The following ATXN2 variants were observed in gnomAD, a reference collection of about 807,000 sequenced individuals.
ATXN2 encodes ataxin-2.
A neutral mutation model predicts 138.6 loss-of-function variants in ATXN2; 37 were observed. That is an observed-to-expected ratio of 0.27 (90% confidence interval 0.21 to 0.35). The LOEUF (loss-of-function observed/expected upper bound fraction) is 0.35, where lower values mean the gene tolerates loss of function less well. Among genes scored for constraint, ATXN2 ranks in the 10% least tolerant of loss-of-function variants. The pLI, the probability that ATXN2 is intolerant of heterozygous loss-of-function variation, is 1.00. For synonymous variants in ATXN2, 549 were observed against 543.7 expected, an observed-to-expected ratio of 1.01 and a Z score of -0.13; for missense variants, 1,216 against 1,480.3, an observed-to-expected ratio of 0.82 and a Z score of 2.93.
At chr12:111,570,742 T>G (rs1883271964) in intron 1 of ATXN2, among the ~76,000 whole-genome samples, 1 of 152,182 alleles carries the variant, frequency 6.6e-6, no homozygotes, top group South Asian at 2.1e-4. Context: ...GTGCTACCAA[T>G]TTAAACTATC....
At chr12:111,599,377 G>A (rs1885148565), upstream of ATXN2, 2 of 1,161,956 alleles carry the variant, frequency 1.7e-6, no homozygotes, top group Non-Finnish European at 2.1e-6. Context: ...ACGGTCCCGG[G>A]GCCGCGCCAC....
intron 21 of ATXN2, among the ~76,000 whole-genome samples, chr12:111,459,154 T>G (rs1875367761): frequency 6.6e-6 from 1 of 152,202 alleles, no homozygotes; most frequent in Non-Finnish European, 1.5e-5. Context: ...TGTGGCAACA[T>G]AGTCTCTGAA....
intron 5 of ATXN2, among the ~76,000 whole-genome samples, chr12:111,536,689 A>T (rs1272347615): frequency 6.6e-6 from 1 of 152,066 alleles, no homozygotes; most frequent in African/African-American, 2.4e-5. Flanking sequence ...CATACGAGCC[A>T]GCAATTATCT....
chr12:111,519,689 A>C (rs1168322527), intron 8 of ATXN2, 190 bp downstream of exon 8: 1 of 1,099,890 alleles, frequency 9.1e-7, no homozygotes, highest in African/African-American at 1.6e-5. Flanking sequence ...TTGGCTCCAC[A>C]GAGCTTACTC....
At chr12:111,523,411 T>G (rs769733962) in intron 6 of ATXN2, among the ~76,000 whole-genome samples, 1 of 152,060 alleles carries the variant, frequency 6.6e-6, no homozygotes, top group Non-Finnish European at 1.5e-5. Context: ...TTAGCATGTT[T>G]CCAATTTTTC....
Position 111,510,469 on chromosome 12 carries a change from C to T in ATXN2, c.1672G>A (p.Glu558Lys). The T allele has an allele frequency of 6.2e-7, 1 of 1,614,134 alleles. No homozygotes were observed. The highest frequency in any genetic ancestry group is 8.5e-7 in the Non-Finnish European group (1 of 1,180,028). ...GCTGGAATAGGCATGGCAACAGCTT[C>T]AGTTGGAATAATACCAGCTTGGGGA... Reference protein sequence around the residue: ...ASPQAGIIPTEAVAMPIPAAS... With the variant: ...ASPQAGIIPTKAVAMPIPAAS... Residue 558 changes from glutamate (E) to lysine (K), a missense_variant, in exon 12 of 25, where the codon GAA becomes AAA. By Grantham distance (56) the Glu-to-Lys change is moderately conservative. Coordinates refer to ENST00000673436, the MANE Select transcript of ATXN2 (RefSeq NM_001372574.1).
chr12:111,561,334 T>C (rs1341174155), intron 1 of ATXN2, among the ~76,000 whole-genome samples: 1 of 136,104 alleles, frequency 7.3e-6, no homozygotes, highest in Non-Finnish European at 1.6e-5. Flanking sequence ...CACTACTAGA[T>C]ATACAAAAAA....
intron 1 of ATXN2, among the ~76,000 whole-genome samples, chr12:111,591,070 T>A (rs1253178281): frequency 6.6e-6 from 1 of 151,986 alleles, no homozygotes; most frequent in Non-Finnish European, 1.5e-5. Context: ...TTTTGTATTT[T>A]TAGTAGAGGG....
chr12:111,499,824 A>G (rs1217731488), intron 14 of ATXN2, among the ~76,000 whole-genome samples: 2 of 152,228 alleles, frequency 1.3e-5, no homozygotes, highest in Admixed American at 6.5e-5. Context: ...GCAAGACCTC[A>G]TCGTTATTTA....
intron 12 of ATXN2, 26 bp downstream of exon 12, chr12:111,510,359 G>A (rs765755614): frequency 6.9e-6 from 11 of 1,599,024 alleles, no homozygotes; most frequent in Non-Finnish European, 6.0e-6. Context: ...CTGAGATTAT[G>A]GATCCAGAAG....
chr12:111,553,355 G>A (rs575199990), intron 3 of ATXN2, among the ~76,000 whole-genome samples: 4 of 151,826 alleles, frequency 2.6e-5, no homozygotes, highest in Non-Finnish European at 5.9e-5. Flanking sequence ...TTCAGATACC[G>A]AATTACATAA....
At chr12:111,513,221 T>G in intron 11 of ATXN2, 136 bp downstream of exon 11, 1 of 986,394 alleles carries the variant, frequency 1.0e-6, no homozygotes, top group Non-Finnish European at 1.4e-6. Context: ...AAATATGGGT[T>G]TCCCAATTCC....
At chr12:111,520,154 G>A in intron 7 of ATXN2, 78 bp from the exon 8 acceptor site, 1 of 1,520,402 alleles carries the variant, frequency 6.6e-7, no homozygotes, top group African/African-American at 1.4e-5. Context: ...CAACTACTAA[G>A]AAAGTTTAGA....
At chr12:111,564,262 A>G (rs539096943) in intron 1 of ATXN2, among the ~76,000 whole-genome samples, 21 of 152,278 alleles carry the variant, frequency 1.4e-4, no homozygotes, top group Non-Finnish European at 1.5e-4. Context: ...ATCATGCCTC[A>G]TATGATACAC....
At chr12:111,466,333 CTA>C (rs886163808) in intron 20 of ATXN2, among the ~76,000 whole-genome samples, 16 of 151,346 alleles carry the variant, frequency 1.1e-4, no homozygotes, top group Non-Finnish European at 1.5e-5. Context: ...CCCATCTCTA[CTA>C]AACAAAATAC....
intron 5 of ATXN2, among the ~76,000 whole-genome samples, chr12:111,530,769 G>A (rs886869607): frequency 2.6e-5 from 4 of 151,980 alleles, no homozygotes; most frequent in South Asian, 2.1e-4. Context: ...AGCAGAGATC[G>A]CGCCACTGCA....
At chr12:111,500,804 C>T (rs879547444) in intron 14 of ATXN2, among the ~76,000 whole-genome samples, 36 of 152,078 alleles carry the variant, frequency 2.4e-4, no homozygotes, top group Admixed American at 6.6e-5. Context: ...ACCCTGGAGG[C>T]GGAGGTTGCA....
intron 1 of ATXN2, among the ~76,000 whole-genome samples, chr12:111,592,719 G>T (rs1321438151): frequency 7.6e-6 from 1 of 132,430 alleles, no homozygotes; most frequent in East Asian, 2.5e-4. Flanking sequence ...GGAGGCAAAG[G>T]TTGCAGTAAG....
intron 5 of ATXN2, among the ~76,000 whole-genome samples, chr12:111,550,711 T>C (rs1172455147): frequency 6.6e-6 from 1 of 152,196 alleles, no homozygotes; most frequent in Non-Finnish European, 1.5e-5. Flanking sequence ...GACAAGGACA[T>C]TTGAGAAGAT....
Sources: allele counts gnomAD v4.1 joint callset (sites outside exome capture counted in the v4.1 genomes callset), GRCh38; gene constraint gnomAD v4.1.1; transcripts MANE v1.5; gene names NCBI Gene and HGNC (gene_info 2026-07-23, HGNC 2026-07-21).